Variants in WWOX observed in about 807,000 individuals in gnomAD.
WWOX encodes WW domain containing oxidoreductase.
A neutral mutation model predicts 46.2 loss-of-function variants in WWOX; 69 were observed. The observed-to-expected ratio is 1.49, with a 90% CI of 1.23 to 1.82. The LOEUF (loss-of-function observed/expected upper bound fraction) is 1.82, where lower values mean the gene tolerates loss of function less well. Ranked by LOEUF, WWOX falls within the 40% of genes most tolerant of loss-of-function variation. WWOX has a pLI of 0.00. For missense variants in WWOX, 919 were observed against 542.6 expected, an observed-to-expected ratio of 1.69 and a Z score of -6.89; for synonymous variants, 359 against 202.6, an observed-to-expected ratio of 1.77 and a Z score of -6.56.
At chr16:79,195,112 G>C (rs1424937210) in intron 8 of WWOX, among the ~76,000 whole-genome samples, 1 of 152,088 alleles carries the variant, frequency 6.6e-6, no homozygotes, top group Non-Finnish European at 1.5e-5. Context: ...GATTTACAGA[G>C]GAGAAAACAG....
At chr16:79,093,951 C>T (rs1210855207) in intron 8 of WWOX, among the ~76,000 whole-genome samples, 1 of 152,138 alleles carries the variant, frequency 6.6e-6, no homozygotes, top group East Asian at 1.9e-4. Flanking sequence ...AGCCTTCTAT[C>T]ACTTAGTACC....
At chr16:78,967,500 T>G (rs2046385603) in intron 8 of WWOX, among the ~76,000 whole-genome samples, 1 of 147,018 alleles carries the variant, frequency 6.8e-6, no homozygotes, top group South Asian at 2.2e-4. Flanking sequence ...GATGGGGATT[T>G]CACCATGTTC....
Position 78,186,999 on chromosome 16 carries a change from C to T in WWOX, c.516+22710C>T, listed in dbSNP as rs374915290. ...GTGTTTGCATGTACTCATTTGTGTG[C>T]GGCTCTCTCTGTGTGTGTGTAGTTC... On this transcript the variant is annotated intron_variant, in intron 5 of 8. Coordinates refer to ENST00000566780, the MANE Select transcript of WWOX (RefSeq NM_016373.4). Among the ~76,000 whole-genome samples, 20 of 152,132 alleles carry T rather than the reference C, an allele frequency of 1.3e-4. No individual in the cohort carries two copies. In the East Asian group the frequency reaches 1.7e-3, roughly 13 times the overall value.
rs1188884174 is a variant in WWOX, at chr16:79,211,654, T to C, written c.1103T>C (p.Leu368Pro). 6.2e-7 allele frequency: 1 copy of C among 1,614,198 alleles called. No individual in the cohort carries two copies. The highest frequency in any genetic ancestry group is 8.5e-7 in the Non-Finnish European group (1 of 1,180,032). ...GTGTACTGTGCTGCTGTCCCAGAAC[T>C]GGAGGGTCTGGGAGGGATGTACTTC... ...TTVYCAAVPELEGLGGMYFNN... is the reference protein window; with the variant it reads ...TTVYCAAVPEPEGLGGMYFNN... Residue 368 changes from leucine to proline, a missense_variant, in exon 9 of 9, where the codon CTG becomes CCG. Transcript: ENST00000566780.
intron 8 of WWOX, among the ~76,000 whole-genome samples, chr16:78,486,300 A>G (rs549725750): frequency 5.9e-4 from 90 of 152,356 alleles, no homozygotes; most frequent in African/African-American, 2.1e-3. Context: ...TATTTGCACT[A>G]TGCCGACTAA....
At chr16:78,502,002 T>C (rs1018894675) in intron 8 of WWOX, among the ~76,000 whole-genome samples, 1 of 152,112 alleles carries the variant, frequency 6.6e-6, no homozygotes, top group Non-Finnish European at 1.5e-5. Context: ...CTGAGTCTTA[T>C]CCCCTTTGCA....
In WWOX at chr16:78,602,160, A is replaced by T. The variant is rs1351217868; in HGVS notation, c.1056+169408A>T. Among the ~76,000 whole-genome samples the T allele has an allele frequency of 5.3e-5, 8 of 152,216 alleles. No homozygotes were observed. The East Asian group carries it at 1.5e-3, about 29-fold the overall frequency. On this transcript the variant is annotated intron_variant, in intron 8 of 8. Coordinates refer to ENST00000566780, the MANE Select transcript of WWOX (RefSeq NM_016373.4). The stretch of plus-strand genomic sequence containing the variant: ...GAATCTCTCTTTAGTCAGAGCATAG[A>T]GGACTGTGAGAGTTACCTCTTACTT...
intron 8 of WWOX, among the ~76,000 whole-genome samples, chr16:78,569,162 C>T (rs2044651119): frequency 6.6e-6 from 1 of 152,126 alleles, no homozygotes; most frequent in African/African-American, 2.4e-5. Context: ...GGGAAGAACC[C>T]TATGGGCAGA....
At chr16:78,528,875 C>G (rs1051631994) in intron 8 of WWOX, among the ~76,000 whole-genome samples, 1 of 152,038 alleles carries the variant, frequency 6.6e-6, no homozygotes, top group Admixed American at 6.5e-5. Flanking sequence ...CCAGCTTACT[C>G]ACATCATAGA....
intron 8 of WWOX, among the ~76,000 whole-genome samples, chr16:78,653,178 C>G (rs572467641): frequency 1.3e-5 from 2 of 151,978 alleles, no homozygotes; most frequent in African/African-American, 4.8e-5. Flanking sequence ...AAGAATTTCT[C>G]ATGTCATTAA....
chr16:78,353,667 G>C (rs1279864016), intron 5 of WWOX, among the ~76,000 whole-genome samples: 1 of 152,208 alleles, frequency 6.6e-6, no homozygotes, highest in African/African-American at 2.4e-5. Context: ...GAAGATTAGA[G>C]ATGTAACTCT....
intron 5 of WWOX, among the ~76,000 whole-genome samples, chr16:78,274,829 C>G (rs1219367490): frequency 6.6e-6 from 1 of 152,180 alleles, no homozygotes; most frequent in Non-Finnish European, 1.5e-5. Context: ...TTCTTTCTCC[C>G]TTAATGCCTC....
intron 8 of WWOX, among the ~76,000 whole-genome samples, chr16:78,944,475 C>G (rs1038404440): frequency 6.6e-5 from 10 of 152,146 alleles, no homozygotes; most frequent in Admixed American, 5.9e-4. Context: ...AACATCTTCT[C>G]TGACAAAAAC....
At chr16:78,949,407 C>G (rs1429018691) in intron 8 of WWOX, among the ~76,000 whole-genome samples, 4 of 152,180 alleles carry the variant, frequency 2.6e-5, no homozygotes, top group Admixed American at 6.5e-5. Context: ...CAGCCCTCAG[C>G]TCATCTAGCA....
chr16:79,019,729 G>C (rs372953413), intron 8 of WWOX, among the ~76,000 whole-genome samples: 2 of 151,974 alleles, frequency 1.3e-5, no homozygotes, highest in African/African-American at 2.4e-5. Context: ...CAGACCTCTG[G>C]GTCTTGGTTA....
At chr16:78,782,954 C>T (rs1054636438) in intron 8 of WWOX, among the ~76,000 whole-genome samples, 5 of 152,194 alleles carry the variant, frequency 3.3e-5, no homozygotes, top group Admixed American at 3.3e-4. Context: ...TCTCATACAT[C>T]AGGCCATTTC....
chr16:78,770,894 A>G (rs2050048208), intron 8 of WWOX, among the ~76,000 whole-genome samples: 1 of 152,244 alleles, frequency 6.6e-6, no homozygotes. Context: ...TGCTATGGGA[A>G]AATAGGCAGA....
intron 8 of WWOX, among the ~76,000 whole-genome samples, chr16:78,812,623 G>C (rs900577623): frequency 6.6e-6 from 1 of 152,036 alleles, no homozygotes; most frequent in African/African-American, 2.4e-5. Context: ...CTGCTCGGGA[G>C]GCTGACGCGC....
intron 8 of WWOX, among the ~76,000 whole-genome samples, chr16:78,582,365 T>C (rs1430206867): frequency 6.6e-6 from 1 of 152,234 alleles, no homozygotes; most frequent in Non-Finnish European, 1.5e-5. Context: ...TAGACAAGAA[T>C]GTGGCTTCAA....
Sources: allele counts gnomAD v4.1 joint callset (sites outside exome capture counted in the v4.1 genomes callset), GRCh38; gene constraint gnomAD v4.1.1; transcripts MANE v1.5; gene names NCBI Gene and HGNC (gene_info 2026-07-23, HGNC 2026-07-21).